TNS3: variants seen among roughly 807,000 people sequenced by gnomAD.
TNS3 encodes the protein tensin 3.
A neutral mutation model predicts 140.9 loss-of-function variants in TNS3; 45 were observed. That is an observed-to-expected ratio of 0.32 (90% CI 0.25 to 0.41). The LOEUF (loss-of-function observed/expected upper bound fraction) is 0.41. Among genes scored for constraint, TNS3 ranks in the 10% least tolerant of loss-of-function variants. The pLI is 1.00. For synonymous variants in TNS3, 815 were observed against 788.4 expected (o/e 1.03, Z -0.56); for missense variants, 1,716 against 1,906.7 (o/e 0.90, Z 1.86).
intron 4 of TNS3, chr7:47,453,343 T>C (rs556536380): frequency 1.3e-6 from 1 of 746,478 alleles, no homozygotes; most frequent in East Asian, 1.3e-4. Context: ...GACTAGCCAC[T>C]AGGGAGAACC....
intron 20 of TNS3, among the ~76,000 whole-genome samples, chr7:47,319,755 G>A (rs529154585): frequency 1.4e-4 from 22 of 152,238 alleles, no homozygotes; most frequent in Middle Eastern, 3.4e-3. Flanking sequence ...TGTGGCACTC[G>A]GGGCATCTGC....
chr7:47,327,859 C>G lies in TNS3; in HGVS notation c.2650+16896G>C, dbSNP rs1788110105. Among the ~76,000 whole-genome samples the G allele has an allele frequency of 2.0e-5, 3 of 152,158 alleles. No homozygotes were observed. The South Asian group carries it at 6.2e-4, about 32-fold the overall frequency. On this transcript the variant is annotated intron_variant, in intron 20 of 30. Coordinates refer to ENST00000311160, the MANE Select transcript of TNS3 (RefSeq NM_022748.12). ...CCCTCCCCACCCCCCTCCACTGGAG[C>G]CCAGGAGATCAAGTTTCAGCAAGGG...
intron 3 of TNS3, among the ~76,000 whole-genome samples, chr7:47,494,569 G>A (rs951768230): frequency 6.6e-6 from 1 of 152,158 alleles, no homozygotes; most frequent in African/African-American, 2.4e-5. Flanking sequence ...ATAAGGGAGG[G>A]TTAACAGCTC....
intron 16 of TNS3, among the ~76,000 whole-genome samples, chr7:47,388,689 A>C (rs1172442720): frequency 6.6e-6 from 1 of 152,072 alleles, no homozygotes; most frequent in African/African-American, 2.4e-5. Flanking sequence ...ACATAGTGAA[A>C]ACCCCATCTC....
chr7:47,484,284 A>T lies in TNS3; in HGVS notation c.-114-3143T>A, dbSNP rs148041651. Among the ~76,000 whole-genome samples the T allele has an allele frequency of 4.2e-3, 639 of 152,374 alleles. 4 individuals are homozygous for T. Among genetic ancestry groups the T allele is most frequent in the Middle Eastern group, 6.8e-3 (2 of 294 alleles). Reference sequence around the variant, plus strand: ...TCTAGAAGCAAAGAGTCACCTGTTGATAAAGAGAAAACTCATCATTTCTAT... The same window carrying T: ...TCTAGAAGCAAAGAGTCACCTGTTGTTAAAGAGAAAACTCATCATTTCTAT... On this transcript the variant is annotated intron_variant, in intron 3 of 30. Transcript: ENST00000311160.
intron 19 of TNS3, 24 bp from the exon 20 acceptor site, chr7:47,344,862 G>T (rs202046816): frequency 2.1e-4 from 343 of 1,613,614 alleles, no homozygotes; most frequent in Non-Finnish European, 2.8e-4. Flanking sequence ...CAGAGCAAGG[G>T]GCTGTTGTCA....
At chr7:47,478,954 C>CAT (rs397788700) in intron 4 of TNS3, among the ~76,000 whole-genome samples, 1 of 151,722 alleles carries the variant, frequency 6.6e-6, no homozygotes, top group Non-Finnish European at 1.5e-5. Context: ...CACACACACA[C>CAT]AGAGCAGCAG....
Position 47,424,112 on chromosome 7 carries a change from A to G in TNS3, c.462T>C (p.Pro154=). Residue 154 remains proline, a synonymous_variant, in exon 10 of 31, where the codon CCT becomes CCC. Coordinates refer to ENST00000311160, the MANE Select transcript of TNS3 (RefSeq NM_022748.12). ...GGATCTATACATACCGTTTTTGGGAAGGCTGCATTAAAGCTGAAACTTTGT... is the reference window on the plus strand; with the variant it reads ...GGATCTATACATACCGTTTTTGGGAGGGCTGCATTAAAGCTGAAACTTTGT... ...YDDKVSALMQ[P]SQKRYVQFLS... 1.2e-6 allele frequency: 2 copies of G among 1,614,208 alleles called. No homozygotes were observed. Among genetic ancestry groups the G allele is most frequent in the Middle Eastern group, 1.6e-4 (1 of 6,062 alleles).
chr7:47,521,753 G>C (rs951553158), intron 2 of TNS3, among the ~76,000 whole-genome samples: 6 of 152,142 alleles, frequency 3.9e-5, no homozygotes, highest in African/African-American at 1.4e-4. Flanking sequence ...AAGCACCTGG[G>C]GGAGTCAGGA....
intron 20 of TNS3, 97 bp from the exon 21 acceptor site, chr7:47,305,100 G>C: frequency 9.8e-7 from 1 of 1,015,698 alleles, no homozygotes; most frequent in Non-Finnish European, 1.3e-6. Context: ...AAACAGTGCT[G>C]ACTTTGAGGC....
chr7:47,473,486 C>T (rs1797043072), intron 4 of TNS3, among the ~76,000 whole-genome samples: 1 of 152,190 alleles, frequency 6.6e-6, no homozygotes, highest in African/African-American at 2.4e-5. Flanking sequence ...CATGAGCACG[C>T]ACACATACAC....
chr7:47,314,428 T>C (rs1278762565), intron 20 of TNS3, among the ~76,000 whole-genome samples: 1 of 152,174 alleles, frequency 6.6e-6, no homozygotes, highest in Non-Finnish European at 1.5e-5. Context: ...GCTGAGCATC[T>C]AGCAAGCACA....
chr7:47,303,334 C>T lies in TNS3; in HGVS notation c.3073G>A (p.Ala1025Thr), dbSNP rs1333688185. The change falls in exon 22 of 31, where the codon GCC (alanine) becomes ACC (threonine). Residue 1025 changes from alanine (A) to threonine (T), a missense_variant. Transcript: ENST00000311160. ...GGCGGAAGGCCACTTCCCACTGGGG[C>T]GGTGCCGAAGCCCAGGAAGGCCTGG... ...SSQAFLGFGTAPVGSGLPPEE... is the reference protein window; with the variant it reads ...SSQAFLGFGTTPVGSGLPPEE... 4 of 1,613,410 alleles carry T rather than the reference C, an allele frequency of 2.5e-6. No individual in the cohort carries two copies. Among genetic ancestry groups the T allele is most frequent in the East Asian group, 4.5e-5 (2 of 44,848 alleles).
At chr7:47,527,865 C>T (rs1799254803) in intron 2 of TNS3, among the ~76,000 whole-genome samples, 1 of 151,890 alleles carries the variant, frequency 6.6e-6, no homozygotes, top group Admixed American at 6.6e-5. Flanking sequence ...CCTGATCATC[C>T]CACTGCACTC....
At chr7:47,532,796 T>C (rs945471995) in intron 1 of TNS3, among the ~76,000 whole-genome samples, 8 of 152,104 alleles carry the variant, frequency 5.3e-5, no homozygotes, top group Non-Finnish European at 4.4e-5. Flanking sequence ...ATAGTATTCA[T>C]GAAGTGGATA....
At chr7:47,411,854 G>C in intron 12 of TNS3, 52 bp from the exon 13 acceptor site, 1 of 1,563,190 alleles carries the variant, frequency 6.4e-7, no homozygotes, top group Non-Finnish European at 8.7e-7. Flanking sequence ...GATTTTGTGG[G>C]AAGAATACAT....
chr7:47,281,785 CAT>C (rs1393170416), intron 28 of TNS3, among the ~76,000 whole-genome samples: 4 of 152,206 alleles, frequency 2.6e-5, no homozygotes, highest in Non-Finnish European at 5.9e-5. Flanking sequence ...GAAGAAATAA[CAT>C]ATCTTCCAAG....
Position 47,502,251 on chromosome 7 carries a change from C to T in TNS3, c.-115+4656G>A, listed in dbSNP as rs551275260. On this transcript the variant is annotated intron_variant, in intron 3 of 30. Transcript: ENST00000311160. ...GCTGGAGAGGTCAATCCCTGGGACC[C>T]AGCAGGCCCGTATCCCACTGCACGG... is the stretch of plus-strand genomic sequence containing the variant. 1.6e-3 allele frequency among the ~76,000 whole-genome samples: 243 copies of T among 152,236 alleles called. 1 individual carries two copies. Among genetic ancestry groups the T allele is most frequent in the Non-Finnish European group, 2.7e-3 (183 of 68,010 alleles).
intron 10 of TNS3, among the ~76,000 whole-genome samples, chr7:47,415,946 G>A (rs1794057593): frequency 6.6e-6 from 1 of 152,234 alleles, no homozygotes; most frequent in Non-Finnish European, 1.5e-5. Context: ...TGACGTGGCA[G>A]CAGTGACCAC....
Sources: gnomAD v4.1 joint callset for allele counts (sites outside exome capture counted in the v4.1 genomes callset) on GRCh38, gnomAD v4.1.1 for gene constraint, MANE v1.5 for transcripts, NCBI Gene and HGNC (gene_info 2026-07-23, HGNC 2026-07-21) for gene names.